POMT2: variants seen among roughly 807,000 people sequenced by gnomAD.
POMT2 encodes protein O-mannosyltransferase 2, also known as protein O-mannosyl-transferase 2.
In POMT2, 75 loss-of-function variants were observed where a neutral mutation model predicts 100.0. The observed-to-expected ratio is 0.75, with a 90% confidence interval of 0.62 to 0.91. The LOEUF (loss-of-function observed/expected upper bound fraction) is 0.91. Among genes scored for constraint, POMT2 ranks in the 40% least tolerant of loss-of-function variants. The probability of loss-of-function intolerance (pLI) is 0.00; values close to 1 mark genes in which losing one functional copy is unlikely to be tolerated. For synonymous variants in POMT2, 378 were observed against 374.1 expected (o/e 1.01, Z -0.12); for missense variants, 940 against 955.1 (o/e 0.98, Z 0.21).
At chr14:77,320,251 G>A (rs1594812098) in intron 1 of POMT2, 183 bp downstream of exon 1, 3 of 1,011,128 alleles carry the variant, frequency 3.0e-6, no homozygotes, top group Non-Finnish European at 4.4e-6. Context: ...CACCACCAGA[G>A]CAAAACGATC....
chr14:77,280,273 A>C (rs1041592376), intron 16 of POMT2, 119 bp downstream of exon 16: 2 of 1,564,740 alleles, frequency 1.3e-6, no homozygotes, highest in Admixed American at 3.8e-5. Flanking sequence ...CCTCTGGCCA[A>C]CCCATCCCAG....
At chr14:77,279,206 G>T in intron 18 of POMT2, 1 of 417,342 alleles carries the variant, frequency 2.4e-6, no homozygotes, top group Non-Finnish European at 4.5e-6. Flanking sequence ...TCTTTGCAGC[G>T]GCAGACAGGC....
At chr14:77,319,445 C>T (rs1240965714) in intron 1 of POMT2, 2 of 152,186 alleles carry the variant, frequency 1.3e-5, no homozygotes, top group Non-Finnish European at 2.9e-5. Context: ...ATTGCTCGTG[C>T]CTCTACACAT....
intron 14 of POMT2, 140 bp from the exon 15 acceptor site, chr14:77,284,013 G>C (rs916955289): frequency 2.6e-6 from 2 of 757,700 alleles, no homozygotes; most frequent in Non-Finnish European, 2.3e-6. Flanking sequence ...AAGAAAGCTT[G>C]GCCCAATTCT....
At chr14:77,291,048 G>A (rs1465767216) in intron 10 of POMT2, among the ~76,000 whole-genome samples, 1 of 151,838 alleles carries the variant, frequency 6.6e-6, no homozygotes, top group Non-Finnish European at 1.5e-5. Flanking sequence ...TTAAATCTGG[G>A]CTCCGCTATC....
intron 1 of POMT2, among the ~76,000 whole-genome samples, chr14:77,316,937 G>C (rs1891653625): frequency 6.6e-6 from 1 of 152,190 alleles, no homozygotes; most frequent in Non-Finnish European, 1.5e-5. Flanking sequence ...CCTGCCAATA[G>C]GACAGACTGG....
At chr14:77,280,194 G>C (rs1485904426) in intron 16 of POMT2, 114 bp from the exon 17 acceptor site, 11 of 1,588,792 alleles carry the variant, frequency 6.9e-6, no homozygotes, top group Middle Eastern at 4.3e-4. Flanking sequence ...ACGAACCTCA[G>C]GCTGGCAAAT....
intron 3 of POMT2, chr14:77,306,118 T>C (rs547759325): frequency 7.6e-5 from 49 of 641,960 alleles, no homozygotes; most frequent in African/African-American, 7.4e-4. Flanking sequence ...CTTCTATCTA[T>C]GTCATCTCTG....
At chr14:77,300,854 T>C in intron 6 of POMT2, 1 of 534,436 alleles carries the variant, frequency 1.9e-6, no homozygotes, top group Non-Finnish European at 3.2e-6. Context: ...ATAAAACAAA[T>C]GCAAAAAGAG....
intron 12 of POMT2, 137 bp downstream of exon 12, chr14:77,286,607 A>G: frequency 7.6e-7 from 1 of 1,310,828 alleles, no homozygotes; most frequent in Non-Finnish European, 1.1e-6. Flanking sequence ...AAAGTGCCCA[A>G]ATGTTAAGAG....
chr14:77,320,641 A>AGGACGCC lies in POMT2; in HGVS notation c.40_41insGGCGTCC (p.Leu14ArgfsTer16). 7 of 1,593,484 alleles carry AGGACGCC rather than the reference A, an allele frequency of 4.4e-6. No homozygotes were observed. The highest frequency in any genetic ancestry group is 5.9e-6 in the Non-Finnish European group (7 of 1,177,904). ...GCCACAGCGGCCCCTCCGGGGACGC[A>AGGACGCC]GCTCGGACTCTGCCAGGCCTCCGCC... On this transcript the variant is annotated frameshift_variant, in exon 1 of 21. Transcript: ENST00000261534. LOFTEE classifies it high-confidence loss of function.
At position 77,285,495 on chromosome 14, in the gene POMT2, C is replaced by A. The variant is rs765146356; in HGVS notation, c.1470G>T (p.Lys490Asn). Reference sequence around the variant, plus strand: ...TAGAGACTTACCACTTGGGCAGAACCTTTCCCGAGGAGCCCAGGACACAAC... The same window carrying A: ...TAGAGACTTACCACTTGGGCAGAACATTTCCCGAGGAGCCCAGGACACAAC... ...VTGCVLGSSG[K>N]VLPKWGWEQL... The change falls in exon 13 of 21, where the codon AAG (lysine) becomes AAT (asparagine). Residue 490 changes from lysine (K) to asparagine (N), a missense_variant. By Grantham distance (94) the Lys-to-Asn change is moderately conservative. Coordinates refer to ENST00000261534, the MANE Select transcript of POMT2 (RefSeq NM_013382.7). 6.2e-7 allele frequency: 1 copy of A among 1,614,140 alleles called. No homozygotes were observed. The highest frequency in any genetic ancestry group is 1.1e-5 in the South Asian group (1 of 91,076).
intron 9 of POMT2, among the ~76,000 whole-genome samples, chr14:77,294,292 G>A (rs778729318): frequency 2.0e-5 from 3 of 152,026 alleles, no homozygotes; most frequent in East Asian, 1.9e-4. Context: ...ATTGAGTCAC[G>A]AGTGAATGGG....
At chr14:77,278,917 G>A (rs773304694) in intron 18 of POMT2, 48 bp from the exon 19 acceptor site, 3 of 1,590,604 alleles carry the variant, frequency 1.9e-6, no homozygotes, top group South Asian at 2.2e-5. Context: ...AGCGGGCAGA[G>A]ATTCCAGGCT....
chr14:77,277,411 C>T lies in POMT2; in HGVS notation c.2218G>A (p.Ala740Thr), dbSNP rs779969764. 2 of 1,613,912 alleles carry T rather than the reference C, an allele frequency of 1.2e-6. No individual in the cohort carries two copies. The highest frequency in any genetic ancestry group is 1.3e-5 in the African/African-American group (1 of 74,934). ...CATGAGTCCAGCCACCTTAGTCCTGCCATTGGACTTTGGGGGTCCTGGGCC... is the reference window on the plus strand; with the variant it reads ...CATGAGTCCAGCCACCTTAGTCCTGTCATTGGACTTTGGGGGTCCTGGGCC... Reference protein sequence around the residue: ...PLAQDPQSPMAGLRWLDSWDF With the variant: ...PLAQDPQSPMTGLRWLDSWDF The change falls in exon 21 of 21, where the codon GCA becomes ACA. Residue 740 changes from alanine to threonine, a missense_variant. Physicochemically the swap from Ala to Thr is moderately conservative, Grantham distance 58 (BLOSUM62 0). Transcript: ENST00000261534.
chr14:77,277,991 T>TC (rs998780720), intron 20 of POMT2, among the ~76,000 whole-genome samples: 1 of 149,298 alleles, frequency 6.7e-6, no homozygotes, highest in Admixed American at 6.7e-5. Flanking sequence ...GCCCCCCGGT[T>TC]CCCCCCTCCC....
Position 77,296,472 on chromosome 14 carries a change from C to A in POMT2, c.1007-199G>T. ...TCACCACAGGGCCCACTTACTCCCC[C>A]GCCTCCTGAGGGCTTCAGAAGAAGC... On this transcript the variant is annotated intron_variant, in intron 8 of 20. Coordinates refer to ENST00000261534, the MANE Select transcript of POMT2 (RefSeq NM_013382.7). 3 of 591,310 alleles carry A rather than the reference C, an allele frequency of 5.1e-6. No individual in the cohort carries two copies. The South Asian group carries it at 5.9e-5, about 12-fold the overall frequency. 36.6% of individuals were successfully genotyped at this position (591,310 alleles called of 1,614,324 possible). A position where few individuals can be genotyped will look rare whatever the true frequency, so the allele number is the denominator to read the frequency against.
chr14:77,320,302 C>T (rs1054092633), intron 1 of POMT2, 132 bp downstream of exon 1: 4 of 1,478,504 alleles, frequency 2.7e-6, no homozygotes, highest in Admixed American at 2.0e-5. Flanking sequence ...CCAACCCACC[C>T]GATACCTCAA....
rs909504160 is a variant in POMT2 at position 77,296,042 on chromosome 14, G to A, written c.1116+122C>T. 1.1e-5 allele frequency: 9 copies of A among 827,928 alleles called. No homozygotes were observed. In the African/African-American group the frequency reaches 1.3e-4, roughly 12 times the overall value. The allele number at this position is 827,928 out of a possible 1,614,324, so 51.3% of individuals were successfully genotyped here. ...GGTTAGCCAGAGAAAACAGAAGGGT[G>A]CAGGGCTAGGAAGAATGTTTCAAGC... On this transcript the variant is annotated intron_variant, in intron 9 of 20. Transcript: ENST00000261534.
Sources: allele counts gnomAD v4.1 joint callset (sites outside exome capture counted in the v4.1 genomes callset), GRCh38; gene constraint gnomAD v4.1.1; transcripts MANE v1.5; gene names NCBI Gene and HGNC (gene_info 2026-07-23, HGNC 2026-07-21).